The following GRID2 variants were observed in gnomAD, a reference collection of about 807,000 sequenced individuals.
GRID2 encodes glutamate receptor ionotropic, delta-2.
GRID2 carries 33 observed loss-of-function variants against 114.8 expected under a neutral mutation model. The observed-to-expected ratio is 0.29, with a 90% CI of 0.22 to 0.38. The LOEUF (loss-of-function observed/expected upper bound fraction) is 0.38, where lower values mean the gene tolerates loss of function less well. GRID2 is among the 10% of genes least tolerant of loss of function. GRID2 has a pLI of 1.00. For missense variants in GRID2, 1,184 were observed against 1,257.7 expected (o/e 0.94, Z 0.89); for synonymous variants, 505 against 449.9 (o/e 1.12, Z -1.55).
intron 13 of GRID2, among the ~76,000 whole-genome samples, chr4:93,531,709 C>T (rs192457146): frequency 6.6e-6 from 1 of 152,110 alleles, no homozygotes; most frequent in Non-Finnish European, 1.5e-5. Flanking sequence ...TATTTGTATA[C>T]AATATGTATA....
At chr4:92,424,816 C>CA in intron 1 of GRID2, among the ~76,000 whole-genome samples, 1 of 150,826 alleles carries the variant, frequency 6.6e-6, no homozygotes, top group East Asian at 1.9e-4. Flanking sequence ...GTCCTAACAA[C>CA]AAAAAATACT....
chr4:93,483,917 T>C (rs532443284), intron 11 of GRID2, among the ~76,000 whole-genome samples: 81 of 151,852 alleles, frequency 5.3e-4, no homozygotes, highest in Non-Finnish European at 8.2e-4. Context: ...AATACTTTTT[T>C]AGCAAGGTGA....
At chr4:92,829,464 T>C (rs887432682) in intron 2 of GRID2, among the ~76,000 whole-genome samples, 2 of 152,082 alleles carry the variant, frequency 1.3e-5, no homozygotes, top group Non-Finnish European at 2.9e-5. Context: ...TATTGAGAAA[T>C]AGGAACACCT....
chr4:92,909,438 C>A (rs1400807126), intron 2 of GRID2, among the ~76,000 whole-genome samples: 1 of 151,930 alleles, frequency 6.6e-6, no homozygotes, highest in Non-Finnish European at 1.5e-5. Context: ...GGAGAAAAGG[C>A]AAATCTAATA....
chr4:92,652,175 T>G (rs918753265), intron 2 of GRID2, among the ~76,000 whole-genome samples: 7 of 152,098 alleles, frequency 4.6e-5, no homozygotes. Context: ...CCTGCCTTTT[T>G]GTTCTATTCA....
chr4:92,975,156 C>CAAAAAAAAAAAAA lies in GRID2; in HGVS notation c.245-109830_245-109818dup, dbSNP rs527770693. 7.3e-3 allele frequency among the ~76,000 whole-genome samples: 340 copies of CAAAAAAAAAAAAA among 46,666 alleles called. 71 individuals are homozygous for CAAAAAAAAAAAAA. The highest frequency in any genetic ancestry group is 9.3e-3 in the Non-Finnish European group (254 of 27,314). 30.6% of individuals were successfully genotyped at this position (46,666 alleles called of 152,430 possible). On this transcript the variant is annotated intron_variant, in intron 2 of 15. Coordinates refer to ENST00000282020, the MANE Select transcript of GRID2 (RefSeq NM_001510.4). ...TGGGCGACAGAGTGAGATTCCGCCTCAAAAAAAAAAAAAAAAAAAAAGGTG... is the reference window on the plus strand; with the variant it reads ...TGGGCGACAGAGTGAGATTCCGCCTCAAAAAAAAAAAAAAAAAAAAAAAAAAAAAAAAAAGGTG...
chr4:92,817,015 A>G (rs1740957920), intron 2 of GRID2, among the ~76,000 whole-genome samples: 1 of 152,006 alleles, frequency 6.6e-6, no homozygotes, highest in African/African-American at 2.4e-5. Flanking sequence ...CCATGTTTTA[A>G]CCATCTTGGA....
intron 4 of GRID2, among the ~76,000 whole-genome samples, chr4:93,175,767 T>C (rs957118043): frequency 6.6e-6 from 1 of 152,194 alleles, no homozygotes; most frequent in Non-Finnish European, 1.5e-5. Context: ...CCTTTTTCCA[T>C]GTTTTGAAAA....
At chr4:92,382,529 A>G (rs1729669361) in intron 1 of GRID2, among the ~76,000 whole-genome samples, 1 of 152,080 alleles carries the variant, frequency 6.6e-6, no homozygotes, top group South Asian at 2.1e-4. Context: ...GTGTAAAATC[A>G]GTAAATTTGC....
intron 2 of GRID2, among the ~76,000 whole-genome samples, chr4:93,062,310 T>A (rs1291936069): frequency 1.6e-4 from 25 of 152,076 alleles, no homozygotes; most frequent in Admixed American, 1.6e-3. Context: ...CATTTTATAT[T>A]TACCAAAATT....
chr4:92,713,492 T>C (rs558536859), intron 2 of GRID2, among the ~76,000 whole-genome samples: 4 of 124,166 alleles, frequency 3.2e-5, no homozygotes, highest in East Asian at 4.4e-4. Context: ...TATATATATA[T>C]ATATATATAT....
intron 2 of GRID2, among the ~76,000 whole-genome samples, chr4:92,643,183 C>T (rs185971324): frequency 6.6e-6 from 1 of 151,628 alleles, no homozygotes; most frequent in African/African-American, 2.4e-5. Flanking sequence ...ATGTACATTG[C>T]TTTGGGCGCT....
intron 1 of GRID2, among the ~76,000 whole-genome samples, chr4:92,318,308 A>AT (rs201137595): frequency 9.1e-4 from 119 of 130,874 alleles, no homozygotes; most frequent in African/African-American, 3.4e-3. Context: ...ATATATATAT[A>AT]TTTTTTTTTT....
intron 3 of GRID2, among the ~76,000 whole-genome samples, chr4:93,089,628 A>G (rs759993030): frequency 4.6e-5 from 7 of 152,070 alleles, no homozygotes; most frequent in Non-Finnish European, 1.0e-4. Flanking sequence ...ATAGAATACC[A>G]AATTTGAGAG....
chr4:92,413,814 T>C (rs1731452955), intron 1 of GRID2, among the ~76,000 whole-genome samples: 1 of 152,116 alleles, frequency 6.6e-6, no homozygotes, highest in African/African-American at 2.4e-5. Flanking sequence ...GAAGAAATTT[T>C]AGTATTTTGA....
chr4:93,213,885 G>A (rs1278848417), intron 5 of GRID2, among the ~76,000 whole-genome samples: 2 of 151,940 alleles, frequency 1.3e-5, no homozygotes, highest in African/African-American at 4.8e-5. Context: ...ATATTTTGTC[G>A]GACATATTGA....
chr4:93,760,775 C>A (rs1733139926), intron 14 of GRID2, among the ~76,000 whole-genome samples: 1 of 152,182 alleles, frequency 6.6e-6, no homozygotes. Flanking sequence ...ACCTTTTCTG[C>A]CTCAGTTCAT....
intron 2 of GRID2, among the ~76,000 whole-genome samples, chr4:92,803,483 G>A (rs1185155638): frequency 6.6e-6 from 1 of 151,872 alleles, no homozygotes; most frequent in Non-Finnish European, 1.5e-5. Context: ...TTTCCTAACT[G>A]TGGATACTCT....
chr4:93,081,081 G>A (rs1365580647), intron 2 of GRID2, among the ~76,000 whole-genome samples: 2 of 151,998 alleles, frequency 1.3e-5, no homozygotes, highest in African/African-American at 4.8e-5. Context: ...TGGGGATCGA[G>A]TTTTCAATAT....
Sources: gnomAD v4.1 joint callset for allele counts (sites outside exome capture counted in the v4.1 genomes callset) on GRCh38, gnomAD v4.1.1 for gene constraint, MANE v1.5 for transcripts, NCBI Gene and HGNC (gene_info 2026-07-23, HGNC 2026-07-21) for gene names.